The following DPYD variants were observed in gnomAD, a reference collection of about 807,000 sequenced individuals.
DPYD encodes the protein dihydropyrimidine dehydrogenase [NADP(+)].
A neutral mutation model predicts 116.2 loss-of-function variants in DPYD; 109 were observed. The observed-to-expected ratio is 0.94, with a 90% CI of 0.80 to 1.10. The LOEUF (loss-of-function observed/expected upper bound fraction) is 1.10. DPYD is among the 50% of genes least tolerant of loss of function. The probability of loss-of-function intolerance (pLI) is 0.00; values close to 1 mark genes in which losing one functional copy is unlikely to be tolerated. For synonymous variants in DPYD, 440 were observed against 432.0 expected (o/e 1.02, Z -0.23); for missense variants, 1,302 against 1,254.5 (o/e 1.04, Z -0.57).
intron 19 of DPYD, among the ~76,000 whole-genome samples, chr1:97,218,780 A>G (rs1660589131): frequency 6.6e-6 from 1 of 152,126 alleles, no homozygotes; most frequent in Admixed American, 6.6e-5. Context: ...TCTGAGAAGA[A>G]GATAACATCA....
chr1:97,559,203 T>C (rs1389606784), intron 11 of DPYD, among the ~76,000 whole-genome samples: 3 of 152,158 alleles, frequency 2.0e-5, no homozygotes, highest in Non-Finnish European at 4.4e-5. Flanking sequence ...AATTATGTCA[T>C]CAAATGATAT....
At position 97,850,222 on chromosome 1, in the gene DPYD, C is replaced by T. The variant is rs1319157789; in HGVS notation, c.151-22026G>A. Among the ~76,000 whole-genome samples the T allele has an allele frequency of 6.6e-5, 10 of 152,218 alleles. 1 individual carries two copies. The South Asian group carries it at 1.0e-3, about 16-fold the overall frequency. On this transcript the variant is annotated intron_variant, in intron 2 of 22. Coordinates refer to ENST00000370192, the MANE Select transcript of DPYD (RefSeq NM_000110.4). ...TATTTTGAGTTTGAATAGCTAACAC[C>T]GCAGGCAATTGAAATAGGTCTCCAA...
intron 13 of DPYD, among the ~76,000 whole-genome samples, chr1:97,479,144 T>C (rs945645871): frequency 3.3e-5 from 5 of 152,312 alleles, no homozygotes; most frequent in African/African-American, 1.2e-4. Context: ...GTGGCACTTT[T>C]AATTTCCTTC....
rs2100981786 is a variant in DPYD at position 97,290,625 on chromosome 1, C to T, written c.2299+14634G>A. On this transcript the variant is annotated intron_variant, in intron 18 of 22. Coordinates refer to ENST00000370192, the MANE Select transcript of DPYD (RefSeq NM_000110.4). Reference sequence around the variant, plus strand: ...TAATAAATGGTTCTGGGAAAACTGGCTAGCCATATGTAGAAAGCTGAAACT... The same window carrying T: ...TAATAAATGGTTCTGGGAAAACTGGTTAGCCATATGTAGAAAGCTGAAACT... Among the ~76,000 whole-genome samples the T allele has an allele frequency of 2.0e-5, 3 of 152,232 alleles. 1 individual carries two copies. The highest frequency in any genetic ancestry group is 2.1e-4 in the South Asian group (1 of 4,826).
At chr1:97,229,248 T>C (rs916025741) in intron 19 of DPYD, among the ~76,000 whole-genome samples, 2 of 86,054 alleles carry the variant, frequency 2.3e-5, no homozygotes, top group African/African-American at 4.3e-5. Flanking sequence ...TGATGGGAAG[T>C]AAAAAAAAAA....
intron 20 of DPYD, among the ~76,000 whole-genome samples, chr1:97,168,284 T>C (rs1656467157): frequency 6.6e-6 from 1 of 152,194 alleles, no homozygotes; most frequent in Non-Finnish European, 1.5e-5. Flanking sequence ...AAGCAAGATA[T>C]GCCTTGCTGG....
intron 18 of DPYD, among the ~76,000 whole-genome samples, chr1:97,289,391 G>T (rs1031981331): frequency 2.0e-5 from 3 of 152,092 alleles, no homozygotes; most frequent in East Asian, 1.9e-4. Context: ...TCGAAAAAGA[G>T]AATTTTAGAC....
chr1:97,084,909 A>T (rs1649409628), intron 21 of DPYD, among the ~76,000 whole-genome samples: 1 of 152,208 alleles, frequency 6.6e-6, no homozygotes, highest in South Asian at 2.1e-4. Flanking sequence ...GGGTACGCAA[A>T]TATTTGTTAA....
chr1:97,418,421 C>T (rs980586728), intron 14 of DPYD, among the ~76,000 whole-genome samples: 1 of 151,878 alleles, frequency 6.6e-6, no homozygotes, highest in African/African-American at 2.4e-5. Flanking sequence ...CTGCGTCAGC[C>T]TCCCGAGTAA....
intron 20 of DPYD, among the ~76,000 whole-genome samples, chr1:97,173,777 G>A (rs1657058662): frequency 6.7e-6 from 1 of 148,494 alleles, no homozygotes; most frequent in East Asian, 2.0e-4. Context: ...AGAATTATGT[G>A]AGTTCAGAAA....
intron 2 of DPYD, among the ~76,000 whole-genome samples, chr1:97,834,963 C>A (rs569481306): frequency 6.6e-6 from 1 of 152,034 alleles, no homozygotes; most frequent in Admixed American, 6.5e-5. Context: ...CAGTTCTAAT[C>A]AAGAGATTCA....
chr1:97,584,131 T>C (rs1057238072), intron 10 of DPYD, among the ~76,000 whole-genome samples: 3 of 152,232 alleles, frequency 2.0e-5, no homozygotes, highest in African/African-American at 7.2e-5. Flanking sequence ...TGGTATCTCA[T>C]TGTGGTTTTG....
intron 8 of DPYD, among the ~76,000 whole-genome samples, chr1:97,676,139 C>A (rs1163040916): frequency 1.3e-5 from 2 of 152,104 alleles, no homozygotes; most frequent in Non-Finnish European, 2.9e-5. Context: ...CTTTACTGAT[C>A]TCCTGTGTCA....
intron 8 of DPYD, among the ~76,000 whole-genome samples, chr1:97,676,651 T>C (rs1660159827): frequency 6.6e-6 from 1 of 152,184 alleles, no homozygotes; most frequent in African/African-American, 2.4e-5. Context: ...AATTACAATA[T>C]GGAAGCAAGG....
intron 18 of DPYD, among the ~76,000 whole-genome samples, chr1:97,288,652 CA>C (rs1233826554): frequency 4.2e-5 from 6 of 143,104 alleles, no homozygotes; most frequent in Admixed American, 1.4e-4. Flanking sequence ...AACAAAGACA[CA>C]ACATACCAGA....
intron 8 of DPYD, among the ~76,000 whole-genome samples, chr1:97,652,653 T>C (rs1371964494): frequency 6.6e-6 from 1 of 152,230 alleles, no homozygotes; most frequent in African/African-American, 2.4e-5. Flanking sequence ...TAATTTTAAT[T>C]TGAGGGCGGA....
At chr1:97,449,079 C>T (rs1427763188) in intron 14 of DPYD, among the ~76,000 whole-genome samples, 2 of 151,904 alleles carry the variant, frequency 1.3e-5, no homozygotes, top group Non-Finnish European at 2.9e-5. Flanking sequence ...ATGGGCAAGG[C>T]AATCATGTGA....
chr1:97,840,461 G>T (rs1669985062), intron 2 of DPYD, among the ~76,000 whole-genome samples: 1 of 151,990 alleles, frequency 6.6e-6, no homozygotes, highest in Non-Finnish European at 1.5e-5. Flanking sequence ...ACTAGATACT[G>T]TATTTTTCTG....
chr1:97,294,558 G>C (rs1000672225), intron 18 of DPYD, among the ~76,000 whole-genome samples: 1 of 152,118 alleles, frequency 6.6e-6, no homozygotes, highest in Non-Finnish European at 1.5e-5. Flanking sequence ...GAATCTGTTC[G>C]AAAAGAAGGT....
Sources: gnomAD v4.1 joint callset for allele counts (sites outside exome capture counted in the v4.1 genomes callset) on GRCh38, gnomAD v4.1.1 for gene constraint, MANE v1.5 for transcripts, NCBI Gene and HGNC (gene_info 2026-07-23, HGNC 2026-07-21) for gene names.